Variants in GPC5 observed in about 807,000 individuals in gnomAD.
GPC5 encodes the protein glypican 5, also known as glypican-5.
Under a neutral mutation model 53.9 loss-of-function variants are expected in GPC5, and 47 were observed. The observed-to-expected ratio is 0.87, with a 90% CI of 0.69 to 1.11. The LOEUF is 1.11. GPC5 is among the 50% of genes most tolerant of loss of function. GPC5 has a pLI of 0.00. For synonymous variants in GPC5, 286 were observed against 263.3 expected (o/e 1.09, Z -0.84); for missense variants, 748 against 713.1 (o/e 1.05, Z -0.56).
intron 4 of GPC5, among the ~76,000 whole-genome samples, chr13:91,737,055 G>C (rs2036832057): frequency 1.3e-5 from 2 of 151,364 alleles, no homozygotes; most frequent in Admixed American, 6.6e-5. Flanking sequence ...AGTGAGCTGA[G>C]ATCATGCCAT....
intron 7 of GPC5, among the ~76,000 whole-genome samples, chr13:92,819,894 G>C (rs936581481): frequency 6.6e-6 from 1 of 151,930 alleles, no homozygotes; most frequent in Non-Finnish European, 1.5e-5. Flanking sequence ...TTTCTTGTTA[G>C]GAAAAAAAAT....
At chr13:91,866,361 G>A (rs1193628159) in intron 5 of GPC5, among the ~76,000 whole-genome samples, 2 of 152,208 alleles carry the variant, frequency 1.3e-5, no homozygotes, top group South Asian at 4.1e-4. Context: ...CAAATCTCAT[G>A]TTGAAATGTG....
chr13:91,422,899 C>G (rs540052848), intron 1 of GPC5, among the ~76,000 whole-genome samples: 1 of 152,152 alleles, frequency 6.6e-6, no homozygotes, highest in Non-Finnish European at 1.5e-5. Context: ...GCTCTCATGA[C>G]CTAGTCACCT....
At chr13:92,495,683 T>G (rs1879950155) in intron 7 of GPC5, among the ~76,000 whole-genome samples, 1 of 151,892 alleles carries the variant, frequency 6.6e-6, no homozygotes, top group Non-Finnish European at 1.5e-5. Context: ...ATGTCTTCAT[T>G]GGTTCCTTTT....
chr13:92,619,596 AC>A (rs971073965), intron 7 of GPC5, among the ~76,000 whole-genome samples: 5 of 152,104 alleles, frequency 3.3e-5, no homozygotes, highest in African/African-American at 1.2e-4. Context: ...GTACAGATTA[AC>A]CATATTTATA....
At chr13:92,365,805 G>A (rs969624676) in intron 7 of GPC5, among the ~76,000 whole-genome samples, 1 of 150,864 alleles carries the variant, frequency 6.6e-6, no homozygotes, top group African/African-American at 2.5e-5. Context: ...AGGGGCAATT[G>A]CGTGCATGGA....
At chr13:92,400,373 T>C (rs1017233653) in intron 7 of GPC5, among the ~76,000 whole-genome samples, 5 of 152,200 alleles carry the variant, frequency 3.3e-5, no homozygotes, top group Non-Finnish European at 7.3e-5. Context: ...CTCATCTATA[T>C]GTCTATGTAG....
intron 2 of GPC5, among the ~76,000 whole-genome samples, chr13:91,497,687 A>G (rs2139280717): frequency 6.6e-6 from 1 of 152,296 alleles, no homozygotes; most frequent in South Asian, 2.1e-4. Flanking sequence ...GTTGCCCTCT[A>G]AGGAAGGCAG....
intron 6 of GPC5, among the ~76,000 whole-genome samples, chr13:92,074,823 C>T (rs967692787): frequency 2.0e-5 from 3 of 152,200 alleles, no homozygotes; most frequent in African/African-American, 7.2e-5. Flanking sequence ...TCGCACATCG[C>T]TACCTGACTT....
At chr13:91,756,992 A>G (rs534331105) in intron 5 of GPC5, among the ~76,000 whole-genome samples, 1 of 152,138 alleles carries the variant, frequency 6.6e-6, no homozygotes, top group Non-Finnish European at 1.5e-5. Context: ...GTTCATTGAT[A>G]TGTTGTCAAT....
chr13:92,632,491 TATATATATGCACACACAC>T (rs1885279331), intron 7 of GPC5, among the ~76,000 whole-genome samples: 1 of 139,730 alleles, frequency 7.2e-6, no homozygotes, highest in African/African-American at 2.8e-5. Context: ...TATATACACA[TATATATATGCACACACAC>T]ATATACATAC....
At chr13:91,599,096 T>C (rs897977396) in intron 2 of GPC5, among the ~76,000 whole-genome samples, 2 of 152,086 alleles carry the variant, frequency 1.3e-5, no homozygotes, top group South Asian at 2.1e-4. Flanking sequence ...CATGGATGAA[T>C]TGTAGAGTGG....
intron 7 of GPC5, among the ~76,000 whole-genome samples, chr13:92,407,927 C>G (rs1462373812): frequency 2.0e-5 from 3 of 152,110 alleles, no homozygotes; most frequent in Non-Finnish European, 2.9e-5. Flanking sequence ...AAAGATTGGT[C>G]TATAAAGAGA....
chr13:92,693,883 G>A (rs965276434), intron 7 of GPC5, among the ~76,000 whole-genome samples: 2 of 152,168 alleles, frequency 1.3e-5, no homozygotes, highest in Non-Finnish European at 2.9e-5. Context: ...AGATCTTCAC[G>A]ACAGCCCCTT....
Position 91,897,829 on chromosome 13 carries a change from A to C in GPC5, c.1281-10108A>C, listed in dbSNP as rs190376302. 2.0e-5 allele frequency among the ~76,000 whole-genome samples: 3 copies of C among 152,188 alleles called. No homozygotes were observed. In the East Asian group the frequency reaches 5.8e-4, roughly 29 times the overall value. On this transcript the variant is annotated intron_variant, in intron 5 of 7. Transcript: ENST00000377067. The stretch of plus-strand genomic sequence containing the variant: ...TTATCTGCTGGTAAAGTGCTCCCCC[A>C]TATTTCTATTTGCTGTGTGGTGCAG...
chr13:92,428,590 AAG>A (rs989211460), intron 7 of GPC5, among the ~76,000 whole-genome samples: 23 of 152,246 alleles, frequency 1.5e-4, no homozygotes, highest in African/African-American at 5.5e-4. Flanking sequence ...TTTGAATAAA[AAG>A]AAACATCAAA....
At chr13:92,093,753 T>C (rs2041399393) in intron 6 of GPC5, among the ~76,000 whole-genome samples, 1 of 152,224 alleles carries the variant, frequency 6.6e-6, no homozygotes, top group African/African-American at 2.4e-5. Context: ...GTCATTAAAG[T>C]AGACAAAGAT....
At chr13:92,825,581 G>A (rs887823511) in intron 7 of GPC5, among the ~76,000 whole-genome samples, 2 of 151,978 alleles carry the variant, frequency 1.3e-5, no homozygotes, top group South Asian at 2.1e-4. Context: ...ACTTGTCAGG[G>A]TATCAACTAC....
At chr13:92,062,739 C>T (rs1465465737) in intron 6 of GPC5, among the ~76,000 whole-genome samples, 1 of 151,910 alleles carries the variant, frequency 6.6e-6, no homozygotes, top group East Asian at 1.9e-4. Flanking sequence ...TAGTAAGTCT[C>T]AAATGCTATA....
Sources: gnomAD v4.1 joint callset for allele counts (sites outside exome capture counted in the v4.1 genomes callset) on GRCh38, gnomAD v4.1.1 for gene constraint, MANE v1.5 for transcripts, NCBI Gene and HGNC (gene_info 2026-07-23, HGNC 2026-07-21) for gene names.